SPAG16: variants seen among roughly 807,000 people sequenced by gnomAD.
SPAG16 encodes the protein sperm associated antigen 16.
Under a neutral mutation model 80.4 loss-of-function variants are expected in SPAG16, and 86 were observed. The ratio of observed to expected loss-of-function variants is 1.07; its 90% CI spans 0.90 to 1.28. The LOEUF is 1.28. SPAG16 is among the 50% of genes most tolerant of loss of function. The pLI, the probability that SPAG16 is intolerant of heterozygous loss-of-function variation, is 0.00. For synonymous variants in SPAG16, 294 were observed against 265.9 expected, an observed-to-expected ratio of 1.11 and a Z score of -1.03; for missense variants, 870 against 765.3, an observed-to-expected ratio of 1.14 and a Z score of -1.61.
At chr2:213,462,751 A>G (rs112461930) in intron 9 of SPAG16, among the ~76,000 whole-genome samples, 3,531 of 152,272 alleles carry the variant, frequency 0.023, 57 homozygotes, top group South Asian at 0.038. Context: ...TAGTGATGTG[A>G]AACTGTGAGT....
At chr2:213,777,083 T>C (rs2069636713) in intron 10 of SPAG16, among the ~76,000 whole-genome samples, 1 of 152,012 alleles carries the variant, frequency 6.6e-6, no homozygotes, top group Non-Finnish European at 1.5e-5. Context: ...ATTGAGAACA[T>C]TATACTATTT....
At chr2:213,357,871 G>T (rs1487282547) in intron 7 of SPAG16, among the ~76,000 whole-genome samples, 1 of 152,160 alleles carries the variant, frequency 6.6e-6, no homozygotes, top group Non-Finnish European at 1.5e-5. Context: ...TTACAATTTG[G>T]CATGTTTTTG....
At chr2:213,907,563 A>T (rs560454965) in intron 11 of SPAG16, among the ~76,000 whole-genome samples, 2 of 152,322 alleles carry the variant, frequency 1.3e-5, no homozygotes, top group East Asian at 3.9e-4. Flanking sequence ...AAAGCAGTAT[A>T]TCAAAGTGAT....
chr2:213,725,473 C>T (rs890458345), intron 10 of SPAG16, among the ~76,000 whole-genome samples: 1 of 152,160 alleles, frequency 6.6e-6, no homozygotes, highest in Non-Finnish European at 1.5e-5. Context: ...TCTAGCCAAA[C>T]CTGCAGTTGG....
Position 214,410,309 on chromosome 2 carries a change from G to T in SPAG16, c.1890G>T (p.Trp630Cys). 6.3e-7 allele frequency: 1 copy of T among 1,592,572 alleles called. No homozygotes were observed. The highest frequency in any genetic ancestry group is 1.3e-5 in the African/African-American group (1 of 74,690). The change falls in exon 16 of 16, where the codon TGG (tryptophan) becomes TGT (cysteine). Residue 630 changes from tryptophan to cysteine, a missense_variant. Physicochemically the swap from Trp to Cys is radical, Grantham distance 215. Coordinates refer to ENST00000331683, the MANE Select transcript of SPAG16 (RefSeq NM_024532.5). ...GCTCTGACGGCACAGTTCGAACGTG[G>T]TCTTGACCGTCAGCACATCCCGCTG... ...SGGSDGTVRT[W>C]S
intron 10 of SPAG16, among the ~76,000 whole-genome samples, chr2:213,596,587 G>A (rs373684189): frequency 2.0e-5 from 3 of 152,038 alleles, no homozygotes; most frequent in Non-Finnish European, 2.9e-5. Flanking sequence ...AACAGTTTTC[G>A]TACTTTTAGA....
intron 9 of SPAG16, among the ~76,000 whole-genome samples, chr2:213,461,760 A>T (rs1400682115): frequency 6.6e-6 from 1 of 152,198 alleles, no homozygotes; most frequent in East Asian, 1.9e-4. Flanking sequence ...GAATTAGATG[A>T]AGCCAGCAAA....
intron 10 of SPAG16, among the ~76,000 whole-genome samples, chr2:213,517,429 T>C (rs921212796): frequency 2.0e-5 from 3 of 152,188 alleles, no homozygotes; most frequent in Non-Finnish European, 4.4e-5. Flanking sequence ...AAACTACCAA[T>C]GTCATTTTTC....
At chr2:213,525,284 CTTTTTTTTTT>C (rs71060436) in intron 10 of SPAG16, among the ~76,000 whole-genome samples, 8 of 100,338 alleles carry the variant, frequency 8.0e-5, no homozygotes, top group Non-Finnish European at 1.4e-4. Flanking sequence ...TTTTCCTTTT[CTTTTTTTTTT>C]TTTTTTTTTT....
chr2:213,842,693 A>G (rs1034680084), intron 10 of SPAG16, among the ~76,000 whole-genome samples: 10 of 152,172 alleles, frequency 6.6e-5, no homozygotes, highest in African/African-American at 2.4e-4. Context: ...CCTTGGATGT[A>G]AGTTTTCTGT....
chr2:214,275,324 T>C (rs111244838), intron 15 of SPAG16, among the ~76,000 whole-genome samples: 3,364 of 152,238 alleles, frequency 0.022, 85 homozygotes, highest in African/African-American at 0.057. Context: ...TTAGTTATTT[T>C]TTGCCTTCTG....
intron 10 of SPAG16, among the ~76,000 whole-genome samples, chr2:213,517,607 C>G (rs1423954708): frequency 1.3e-5 from 2 of 152,084 alleles, no homozygotes; most frequent in African/African-American, 4.8e-5. Context: ...TGTATAAAAA[C>G]AGACACATAG....
chr2:213,665,038 G>T (rs1468754648), intron 10 of SPAG16, among the ~76,000 whole-genome samples: 1 of 151,890 alleles, frequency 6.6e-6, no homozygotes, highest in Non-Finnish European at 1.5e-5. Flanking sequence ...TCACATGTTT[G>T]CCCAGCATTT....
intron 10 of SPAG16, among the ~76,000 whole-genome samples, chr2:213,609,951 C>A (rs570903884): frequency 4.2e-4 from 64 of 151,998 alleles, no homozygotes; most frequent in Non-Finnish European, 4.4e-4. Flanking sequence ...GAGAAAGCAG[C>A]CTTCAATTAG....
intron 13 of SPAG16, among the ~76,000 whole-genome samples, chr2:214,083,095 C>T (rs747599245): frequency 1.3e-5 from 2 of 152,168 alleles, no homozygotes; most frequent in African/African-American, 4.8e-5. Context: ...GTCTACCGAA[C>T]CAGACATGTG....
chr2:213,881,655 C>T (rs2076349619), intron 11 of SPAG16, among the ~76,000 whole-genome samples: 2 of 152,106 alleles, frequency 1.3e-5, no homozygotes, highest in Admixed American at 1.3e-4. Flanking sequence ...GGGAACAACC[C>T]CTTATAAAAC....
chr2:214,121,988 A>C (rs2054243510), intron 14 of SPAG16, among the ~76,000 whole-genome samples: 1 of 151,810 alleles, frequency 6.6e-6, no homozygotes, highest in Non-Finnish European at 1.5e-5. Flanking sequence ...GGCATACTCA[A>C]CCTGTACTAT....
At chr2:214,123,923 G>A (rs1450626442) in intron 14 of SPAG16, among the ~76,000 whole-genome samples, 1 of 152,008 alleles carries the variant, frequency 6.6e-6, no homozygotes, top group East Asian at 1.9e-4. Flanking sequence ...TAACTGATTG[G>A]TAATGTCACC....
chr2:214,180,442 G>T (rs1009337325), intron 15 of SPAG16, among the ~76,000 whole-genome samples: 1 of 151,632 alleles, frequency 6.6e-6, no homozygotes, highest in Non-Finnish European at 1.5e-5. Flanking sequence ...ATATAGTCCT[G>T]TTATAATCAT....
Sources: allele counts gnomAD v4.1 joint callset (sites outside exome capture counted in the v4.1 genomes callset), GRCh38; gene constraint gnomAD v4.1.1; transcripts MANE v1.5; gene names NCBI Gene and HGNC (gene_info 2026-07-23, HGNC 2026-07-21).